Variants in SLC35F1 observed in about 807,000 individuals in gnomAD.
SLC35F1 encodes the protein chromosome 6 open reading frame 169.
SLC35F1 carries 14 observed loss-of-function variants against 48.7 expected under a neutral mutation model. That is an observed-to-expected ratio of 0.29 (90% CI 0.19 to 0.45). SLC35F1 has a LOEUF of 0.45. Among genes scored for constraint, SLC35F1 ranks in the 20% least tolerant of loss-of-function variants. The pLI is 1.00. For synonymous variants in SLC35F1, 190 were observed against 202.2 expected (o/e 0.94, Z 0.51); for missense variants, 404 against 500.0 (o/e 0.81, Z 1.83).
intron 1 of SLC35F1, among the ~76,000 whole-genome samples, chr6:118,055,266 A>G (rs544039848): frequency 1.3e-5 from 2 of 152,340 alleles, no homozygotes; most frequent in South Asian, 4.1e-4. Flanking sequence ...ATAAATGTTA[A>G]TAAGCATCTT....
intron 2 of SLC35F1, among the ~76,000 whole-genome samples, chr6:118,192,333 T>A (rs188126990): frequency 5.0e-4 from 76 of 152,280 alleles, no homozygotes; most frequent in Non-Finnish European, 9.7e-4. Context: ...GGAATTCTTA[T>A]CCAGTCCAAT....
At chr6:118,190,695 G>T (rs1392804200) in intron 2 of SLC35F1, among the ~76,000 whole-genome samples, 3 of 152,068 alleles carry the variant, frequency 2.0e-5, no homozygotes, top group Non-Finnish European at 2.9e-5. Flanking sequence ...GCGCACCAGG[G>T]GTTCTACTAT....
intron 1 of SLC35F1, among the ~76,000 whole-genome samples, chr6:118,013,535 A>T (rs1181125592): frequency 6.6e-6 from 1 of 152,212 alleles, no homozygotes; most frequent in Non-Finnish European, 1.5e-5. Context: ...TATGTTTGTG[A>T]ATAGGAAAGT....
intron 1 of SLC35F1, among the ~76,000 whole-genome samples, chr6:118,134,357 A>G (rs1773761601): frequency 6.6e-6 from 1 of 152,126 alleles, no homozygotes; most frequent in Non-Finnish European, 1.5e-5. Context: ...TGAAACACTT[A>G]CTTTATCATC....
intron 1 of SLC35F1, among the ~76,000 whole-genome samples, chr6:117,956,712 A>C (rs1198542718): frequency 1.3e-5 from 2 of 152,170 alleles, no homozygotes; most frequent in Non-Finnish European, 2.9e-5. Flanking sequence ...TTAATCTCTT[A>C]TTGGAAAATT....
intron 1 of SLC35F1, among the ~76,000 whole-genome samples, chr6:118,064,185 C>T (rs1196006034): frequency 6.6e-6 from 1 of 152,172 alleles, no homozygotes; most frequent in Non-Finnish European, 1.5e-5. Context: ...TCATGTGAGA[C>T]TTATTCACTA....
chr6:118,266,593 G>A (rs1025247767), intron 3 of SLC35F1, among the ~76,000 whole-genome samples: 13 of 151,964 alleles, frequency 8.6e-5, no homozygotes, highest in African/African-American at 2.9e-4. Context: ...TCCCATTCCC[G>A]GATCTACTCG....
At chr6:118,046,427 T>C (rs939295979) in intron 1 of SLC35F1, among the ~76,000 whole-genome samples, 1 of 152,186 alleles carries the variant, frequency 6.6e-6, no homozygotes, top group Non-Finnish European at 1.5e-5. Context: ...GTGAGATTCA[T>C]AATGTTGATA....
chr6:118,082,844 C>T lies in SLC35F1; in HGVS notation c.174-71601C>T, dbSNP rs534421847. Among the ~76,000 whole-genome samples the T allele has an allele frequency of 1.7e-4, 26 of 152,224 alleles. No individual in the cohort carries two copies. The South Asian group carries it at 5.2e-3, about 30-fold the overall frequency. On this transcript the variant is annotated intron_variant, in intron 1 of 7. Transcript: ENST00000360388. ...TGCATAGTCCAAATCTCAGGGAAAG[C>T]TTTGATTGGCCTTGCCTGAATCACC...
chr6:118,288,044 T>G (rs892622355), intron 7 of SLC35F1, among the ~76,000 whole-genome samples: 1 of 151,144 alleles, frequency 6.6e-6, no homozygotes, highest in Non-Finnish European at 1.5e-5. Flanking sequence ...AAAATACACA[T>G]ACATTTTGTT....
At chr6:118,082,140 C>T (rs1195573770) in intron 1 of SLC35F1, among the ~76,000 whole-genome samples, 2 of 152,178 alleles carry the variant, frequency 1.3e-5, no homozygotes, top group African/African-American at 2.4e-5. Flanking sequence ...GGAGCCTCAA[C>T]CTTTGAACAT....
At chr6:117,917,478 G>A (rs1053010023) in intron 1 of SLC35F1, among the ~76,000 whole-genome samples, 2 of 151,842 alleles carry the variant, frequency 1.3e-5, no homozygotes, top group South Asian at 2.1e-4. Context: ...GGAGACAAGC[G>A]GTTGTGATCT....
intron 2 of SLC35F1, among the ~76,000 whole-genome samples, chr6:118,171,028 T>C (rs1774396314): frequency 6.6e-6 from 1 of 152,028 alleles, no homozygotes; most frequent in Admixed American, 6.6e-5. Flanking sequence ...CAGCTTGCTT[T>C]TTTCTTTGTT....
chr6:117,999,507 G>A (rs1582609656), intron 1 of SLC35F1: 1 of 1,180,762 alleles, frequency 8.5e-7, no homozygotes, highest in African/African-American at 1.5e-5. Flanking sequence ...CCACCCCTGG[G>A]CTATCATCTG....
At chr6:118,040,254 C>G (rs1772194656) in intron 1 of SLC35F1, among the ~76,000 whole-genome samples, 1 of 152,178 alleles carries the variant, frequency 6.6e-6, no homozygotes, top group Non-Finnish European at 1.5e-5. Flanking sequence ...TAAGGCTGCT[C>G]TATGGCTGGG....
At chr6:118,268,708 C>G (rs1038537763) in intron 4 of SLC35F1, among the ~76,000 whole-genome samples, 16 of 146,620 alleles carry the variant, frequency 1.1e-4, no homozygotes, top group Non-Finnish European at 1.5e-4. Flanking sequence ...CTCCCGGGTT[C>G]AAGTGATTCC....
At position 118,011,528 on chromosome 6, in the gene SLC35F1, G is replaced by A. The variant is rs182955090; in HGVS notation, c.173+103629G>A. Among the ~76,000 whole-genome samples the A allele has an allele frequency of 2.0e-3, 308 of 152,274 alleles. 2 individuals are homozygous for A. The highest frequency in any genetic ancestry group is 6.8e-3 in the African/African-American group (281 of 41,554). ...CCCACCAGGCCCCTCCTCCAACCTTGGGGATTACAATTCAATGAGATTTGG... is the reference window on the plus strand; with the variant it reads ...CCCACCAGGCCCCTCCTCCAACCTTAGGGATTACAATTCAATGAGATTTGG... On this transcript the variant is annotated intron_variant, in intron 1 of 7. Coordinates refer to ENST00000360388, the MANE Select transcript of SLC35F1 (RefSeq NM_001029858.4).
chr6:117,955,982 G>C (rs924625115), intron 1 of SLC35F1, among the ~76,000 whole-genome samples: 1 of 152,214 alleles, frequency 6.6e-6, no homozygotes, highest in Non-Finnish European at 1.5e-5. Context: ...AAGAGAAACA[G>C]CATGAGGGAT....
intron 1 of SLC35F1, among the ~76,000 whole-genome samples, chr6:118,024,334 T>A (rs930145005): frequency 2.0e-5 from 3 of 152,208 alleles, no homozygotes; most frequent in Non-Finnish European, 4.4e-5. Context: ...AACATAGTGC[T>A]AATTTATGTA....
Sources: allele counts gnomAD v4.1 joint callset (sites outside exome capture counted in the v4.1 genomes callset), GRCh38; gene constraint gnomAD v4.1.1; transcripts MANE v1.5; gene names NCBI Gene and HGNC (gene_info 2026-07-23, HGNC 2026-07-21).